Variants in CTNNA3 observed in about 807,000 individuals in gnomAD.
CTNNA3 encodes the protein catenin alpha-3.
Under a neutral mutation model 95.7 loss-of-function variants are expected in CTNNA3, and 76 were observed. The ratio of observed to expected loss-of-function variants is 0.79; its 90% CI spans 0.66 to 0.96. The LOEUF (loss-of-function observed/expected upper bound fraction) is 0.96. Ranked by LOEUF, CTNNA3 falls within the 40% of genes least tolerant of loss-of-function variation. The probability of loss-of-function intolerance (pLI) is 0.00; values close to 1 mark genes in which losing one functional copy is unlikely to be tolerated. For missense variants in CTNNA3, 1,191 were observed against 1,089.8 expected (o/e 1.09, Z -1.31); for synonymous variants, 431 against 374.4 (o/e 1.15, Z -1.74).
At chr10:66,080,287 C>T (rs968929945) in intron 14 of CTNNA3, among the ~76,000 whole-genome samples, 2 of 151,688 alleles carry the variant, frequency 1.3e-5, no homozygotes, top group African/African-American at 4.8e-5. Flanking sequence ...ATTATAGTAA[C>T]CCAACATTGT....
chr10:67,664,832 T>C (rs1840290112), intron 1 of CTNNA3, among the ~76,000 whole-genome samples: 1 of 152,206 alleles, frequency 6.6e-6, no homozygotes, highest in Non-Finnish European at 1.5e-5. Context: ...CCGTATTGAA[T>C]ACACAAGTAT....
intron 7 of CTNNA3, among the ~76,000 whole-genome samples, chr10:67,041,370 T>C (rs561792763): frequency 5.8e-4 from 89 of 152,256 alleles, no homozygotes; most frequent in African/African-American, 2.1e-3. Flanking sequence ...TAATAGAGGT[T>C]ACTTAGTGAA....
chr10:67,459,288 T>C (rs745746138), intron 5 of CTNNA3, among the ~76,000 whole-genome samples: 7 of 152,102 alleles, frequency 4.6e-5, no homozygotes, highest in Non-Finnish European at 8.8e-5. Context: ...AATCAGAAAT[T>C]GGTAGAGCAT....
chr10:65,959,649 C>G (rs111244430), intron 17 of CTNNA3, among the ~76,000 whole-genome samples: 1 of 152,216 alleles, frequency 6.6e-6, no homozygotes, highest in South Asian at 2.1e-4. Flanking sequence ...CTCAGCTTCC[C>G]GAGTAGCTGG....
chr10:67,142,433 G>C (rs908646295), intron 7 of CTNNA3, among the ~76,000 whole-genome samples: 1 of 152,070 alleles, frequency 6.6e-6, no homozygotes, highest in African/African-American at 2.4e-5. Flanking sequence ...GAGTGAACCT[G>C]CTGGGTTAAA....
chr10:66,187,334 C>G (rs1264845789), intron 13 of CTNNA3, among the ~76,000 whole-genome samples: 1 of 150,522 alleles, frequency 6.6e-6, no homozygotes, highest in South Asian at 2.1e-4. Context: ...AACAAGGCAA[C>G]CACAAAAAAG....
rs1258103103 is a variant in CTNNA3, at chr10:66,069,373, G to T, written c.2094C>A (p.Ser698Arg). The T allele has an allele frequency of 6.2e-7, 1 of 1,613,446 alleles. No individual in the cohort carries two copies. Among genetic ancestry groups the T allele is most frequent in the East Asian group, 2.2e-5 (1 of 44,838 alleles). Residue 698 changes from serine to arginine, a missense_variant, in exon 15 of 18, where the codon AGC becomes AGA. By Grantham distance (110) the Ser-to-Arg change is moderately radical. Coordinates refer to ENST00000433211, the MANE Select transcript of CTNNA3 (RefSeq NM_013266.4). ...DAEIEIWDDT[S>R]NDIIVLAKNM... ...TCTTGGCCAGAACAATGATGTCGTT[G>T]CTTGTATCATCCCATATCTCAATCT...
At chr10:67,531,784 A>G (rs1166050429) in intron 4 of CTNNA3, among the ~76,000 whole-genome samples, 4 of 152,190 alleles carry the variant, frequency 2.6e-5, no homozygotes, top group Non-Finnish European at 5.9e-5. Context: ...CCCAAATCTC[A>G]TCTTGAATTG....
intron 5 of CTNNA3, among the ~76,000 whole-genome samples, chr10:67,465,356 G>T (rs2133008540): frequency 6.6e-6 from 1 of 152,024 alleles, no homozygotes; most frequent in African/African-American, 2.4e-5. Flanking sequence ...TGGTTTCAAA[G>T]CTGCCCTCCC....
At chr10:65,944,323 A>G (rs1440180818) in intron 17 of CTNNA3, among the ~76,000 whole-genome samples, 1 of 152,244 alleles carries the variant, frequency 6.6e-6, no homozygotes, top group African/African-American at 2.4e-5. Context: ...CCATTAGGCA[A>G]AATTATGCCA....
chr10:66,159,300 T>C (rs2084714820), intron 13 of CTNNA3, among the ~76,000 whole-genome samples: 1 of 152,140 alleles, frequency 6.6e-6, no homozygotes, highest in South Asian at 2.1e-4. Flanking sequence ...GAGTTTGTCA[T>C]AGATGGCTTT....
intron 14 of CTNNA3, among the ~76,000 whole-genome samples, chr10:66,077,023 G>A (rs2080577817): frequency 6.6e-6 from 1 of 151,692 alleles, no homozygotes; most frequent in Non-Finnish European, 1.5e-5. Context: ...GGAGATGGAC[G>A]AAGGAATCTG....
At chr10:66,348,070 G>A (rs1435955336) in intron 12 of CTNNA3, among the ~76,000 whole-genome samples, 2 of 151,960 alleles carry the variant, frequency 1.3e-5, no homozygotes, top group Non-Finnish European at 2.9e-5. Context: ...ACAACCTTAA[G>A]AATACTAAGA....
chr10:67,370,895 C>A (rs1304633609), intron 5 of CTNNA3, among the ~76,000 whole-genome samples: 2 of 143,180 alleles, frequency 1.4e-5, no homozygotes, highest in Non-Finnish European at 3.0e-5. Context: ...GAGACAGAGT[C>A]TCGCTCTGTC....
At chr10:66,577,607 G>A (rs114090783) in intron 10 of CTNNA3, among the ~76,000 whole-genome samples, 1,649 of 152,024 alleles carry the variant, frequency 0.011, 42 homozygotes, top group African/African-American at 0.038. Context: ...GCTTGTTATC[G>A]TCAACTCTGC....
At chr10:67,043,849 T>G (rs1473091454) in intron 7 of CTNNA3, among the ~76,000 whole-genome samples, 1 of 151,816 alleles carries the variant, frequency 6.6e-6, no homozygotes, top group Admixed American at 6.6e-5. Flanking sequence ...TTTTTTTCTG[T>G]TTACTTCTAT....
chr10:66,354,887 C>T (rs973701867), intron 12 of CTNNA3, among the ~76,000 whole-genome samples: 5 of 151,998 alleles, frequency 3.3e-5, no homozygotes, highest in African/African-American at 1.2e-4. Flanking sequence ...AAATAGAAAG[C>T]ATATGTATAA....
chr10:66,373,286 G>C (rs2132468615), intron 12 of CTNNA3, among the ~76,000 whole-genome samples: 1 of 152,068 alleles, frequency 6.6e-6, no homozygotes, highest in South Asian at 2.1e-4. Flanking sequence ...TCTTATTTTA[G>C]TTCTTTAACT....
rs547708922 is a variant in CTNNA3, at chr10:66,556,652, A to T, written c.1375-35879T>A. ...AAGCAAAATACTGCATGATCCACTTATATGTGAAATACAAAAATGTCAAAT... is the reference window on the plus strand; with the variant it reads ...AAGCAAAATACTGCATGATCCACTTTTATGTGAAATACAAAAATGTCAAAT... On this transcript the variant is annotated intron_variant, in intron 10 of 17. Transcript: ENST00000433211. Among the ~76,000 whole-genome samples, 409 of 152,184 alleles carry T rather than the reference A, an allele frequency of 2.7e-3. 4 individuals carry two copies. The highest frequency in any genetic ancestry group is 9.1e-3 in the African/African-American group (376 of 41,540).
Sources: allele counts gnomAD v4.1 joint callset (sites outside exome capture counted in the v4.1 genomes callset), GRCh38; gene constraint gnomAD v4.1.1; transcripts MANE v1.5; gene names NCBI Gene and HGNC (gene_info 2026-07-23, HGNC 2026-07-21).